Variants in VCAN observed in about 807,000 individuals in gnomAD.
VCAN encodes the protein versican core protein.
Under a neutral mutation model 245.5 loss-of-function variants are expected in VCAN, and 44 were observed. The ratio of observed to expected loss-of-function variants is 0.18; its 90% CI spans 0.14 to 0.23. The LOEUF (loss-of-function observed/expected upper bound fraction) is 0.23, where lower values mean the gene tolerates loss of function less well. Ranked by LOEUF, VCAN falls within the 10% of genes least tolerant of loss-of-function variation. The pLI is 1.00. For missense variants in VCAN, 3,793 were observed against 4,057.9 expected (o/e 0.93, Z 1.77); for synonymous variants, 1,413 against 1,437.0 (o/e 0.98, Z 0.38).
chr5:83,540,535 C>T lies in VCAN; in HGVS notation c.7532C>T (p.Ser2511Leu). The change falls in exon 8 of 15, where the codon TCA (serine) becomes TTA (leucine). Residue 2511 changes from serine to leucine, a missense_variant. This residue lies in a region of VCAN where 3,182 missense variants were observed against 3,250.3 expected (regional missense o/e 0.98). Transcript: ENST00000265077. The stretch of plus-strand genomic sequence containing the variant: ...ACTAGCACACTGTCAAATACAGTGT[C>T]ATATGAGAGGTCCACAGACGGTAGT... ...DPTSTLSNTV[S>L]YERSTDGSFQ... 1 of 1,613,894 alleles carries T rather than the reference C, an allele frequency of 6.2e-7. No homozygotes were observed. Among genetic ancestry groups the T allele is most frequent in the Non-Finnish European group, 8.5e-7 (1 of 1,179,962 alleles).
chr5:83,517,600 A>G (rs1268369358), intron 6 of VCAN, among the ~76,000 whole-genome samples: 1 of 152,194 alleles, frequency 6.6e-6, no homozygotes, highest in Non-Finnish European at 1.5e-5. Context: ...GAATTAAAAT[A>G]GTCATCCACA....
chr5:83,493,837 T>C lies in VCAN; in HGVS notation c.654T>C (p.Tyr218=), dbSNP rs776001770. The C allele has an allele frequency of 9.3e-6, 15 of 1,613,798 alleles. No homozygotes were observed. Among genetic ancestry groups the C allele is most frequent in the African/African-American group, 1.3e-5 (1 of 74,854 alleles). Reference sequence around the variant, plus strand: ...TCCGGGCTCCCAGAGTAGGCTGTTATGGAGATAAGATGGGAAAGGCAGGAG... The same window carrying C: ...TCCGGGCTCCCAGAGTAGGCTGTTACGGAGATAAGATGGGAAAGGCAGGAG... ...YPIRAPRVGC[Y]GDKMGKAGVR... is the part of the protein sequence containing the mutation. Residue 218 remains tyrosine, a synonymous_variant, in exon 5 of 15, where the codon TAT becomes TAC. Transcript: ENST00000265077.
intron 13 of VCAN, among the ~76,000 whole-genome samples, chr5:83,573,980 A>G (rs1374576474): frequency 6.6e-6 from 1 of 152,210 alleles, no homozygotes; most frequent in Non-Finnish European, 1.5e-5. Context: ...ATTGAGAACC[A>G]AGGAAGCTGA....
chr5:83,490,910 CTTAATATGATTATTAAA>C (rs2112354587), intron 3 of VCAN, among the ~76,000 whole-genome samples: 1 of 152,038 alleles, frequency 6.6e-6, no homozygotes, highest in African/African-American at 2.4e-5. Flanking sequence ...TTTTTTCTCT[CTTAATATGATTATTAAA>C]ATATTTGAGT....
chr5:83,565,676 T>A (rs1045693878), intron 12 of VCAN, among the ~76,000 whole-genome samples: 3 of 152,138 alleles, frequency 2.0e-5, no homozygotes, highest in African/African-American at 7.2e-5. Context: ...TGAAATGGGT[T>A]GAGTATTATA....
rs1746831730 is a variant in VCAN, at chr5:83,538,708, C to T, written c.5705C>T (p.Thr1902Ile). ...DRVVAENITQ[T>I]SREIVISERL... ...GTAGTTGCTGAAAATATAACCCAAA[C>T]ATCCAGGGAAATAGTGATTTCAGAG... The change falls in exon 8 of 15, where the codon ACA (threonine) becomes ATA (isoleucine). Residue 1902 changes from threonine (T) to isoleucine (I), a missense_variant. Physicochemically the swap from Thr to Ile is moderately conservative, Grantham distance 89. Transcript: ENST00000265077. 1.2e-6 allele frequency: 2 copies of T among 1,613,954 alleles called. No homozygotes were observed. The highest frequency in any genetic ancestry group is 1.7e-6 in the Non-Finnish European group (2 of 1,179,984).
At position 83,521,515 on chromosome 5, in the gene VCAN, G is replaced by T. The variant is rs1020643980; in HGVS notation, c.3209G>T (p.Gly1070Val). 1 of 1,614,038 alleles carries T rather than the reference G, an allele frequency of 6.2e-7. No individual in the cohort carries two copies. The highest frequency in any genetic ancestry group is 1.7e-5 in the Admixed American group (1 of 60,026). Reference protein sequence around the residue: ...VTPLDEQEGDGSAYTVSEDEL... With the variant: ...VTPLDEQEGDVSAYTVSEDEL... ...CCACTGGATGAACAAGAGGGCGATG[G>T]ATCAGCATATACAGTCTCTGAAGAT... Residue 1070 changes from glycine to valine, a missense_variant, in exon 7 of 15, where the codon GGA becomes GTA. Physicochemically the swap from Gly to Val is moderately radical, Grantham distance 109. Transcript: ENST00000265077.
In VCAN at chr5:83,530,460, A is replaced by G. The variant is rs1234773038; in HGVS notation, c.4004-6547A>G. ...CTCACAGGTCCAGACAGTGTTCAGA[A>G]CTTTTTTGGTGGGTGAGGGGCGTAG... On this transcript the variant is annotated intron_variant, in intron 7 of 14. Coordinates refer to ENST00000265077, the MANE Select transcript of VCAN (RefSeq NM_004385.5). Among the ~76,000 whole-genome samples the G allele has an allele frequency of 3.9e-5, 6 of 152,144 alleles. No individual in the cohort carries two copies. The East Asian group carries it at 1.2e-3, about 29-fold the overall frequency.
At chr5:83,503,068 A>G (rs1745378384) in intron 5 of VCAN, among the ~76,000 whole-genome samples, 1 of 152,204 alleles carries the variant, frequency 6.6e-6, no homozygotes, top group African/African-American at 2.4e-5. Context: ...ATCTACAAAT[A>G]TTAGCCCTTA....
Position 83,553,242 on chromosome 5 carries a change from A to G in VCAN, c.9494-122A>G, listed in dbSNP as rs544957308. The G allele has an allele frequency of 2.2e-4, 296 of 1,318,294 alleles. 2 individuals are homozygous for G. The South Asian group carries it at 3.1e-3, about 14-fold the overall frequency. The allele number at this position is 1,318,294 out of a possible 1,614,324, so 81.7% of individuals were successfully genotyped here. ...TTTGTCATCGTGACCAAATTTTATG[A>G]ATCAGTTACTTCAGGGACATTGCAC... On this transcript the variant is annotated intron_variant, in intron 10 of 14. Transcript: ENST00000265077.
intron 3 of VCAN, among the ~76,000 whole-genome samples, chr5:83,493,026 T>C (rs1043522804): frequency 2.0e-5 from 3 of 152,260 alleles, no homozygotes; most frequent in Non-Finnish European, 4.4e-5. Flanking sequence ...TTTTCCACTC[T>C]AGTACATTGT....
In VCAN at chr5:83,506,814, A is replaced by G. The variant is rs142586929; in HGVS notation, c.749-5289A>G. Among the ~76,000 whole-genome samples the G allele has an allele frequency of 1.9e-3, 296 of 152,336 alleles. 2 individuals carry two copies. The highest frequency in any genetic ancestry group is 6.9e-3 in the African/African-American group (285 of 41,572). On this transcript the variant is annotated intron_variant, in intron 5 of 14. Transcript: ENST00000265077. ...TCCACATGGTTGGGGAGGCCTCAGA[A>G]TCTTGGCGAGAGGTGAAAGGCACTT... is the stretch of plus-strand genomic sequence containing the variant.
intron 13 of VCAN, among the ~76,000 whole-genome samples, chr5:83,576,271 AATT>A (rs1165397974): frequency 2.0e-5 from 3 of 152,038 alleles, no homozygotes; most frequent in Non-Finnish European, 2.9e-5. Context: ...CTAAACAATA[AATT>A]ATTTAGTGTT....
intron 5 of VCAN, among the ~76,000 whole-genome samples, chr5:83,498,106 C>CTACT (rs1355068931): frequency 2.0e-5 from 3 of 152,148 alleles, no homozygotes; most frequent in Non-Finnish European, 2.9e-5. Context: ...CCTGGGTTAA[C>CTACT]TACTACCCTA....
intron 1 of VCAN, among the ~76,000 whole-genome samples, chr5:83,472,394 TG>T (rs1176883456): frequency 2.0e-5 from 3 of 151,974 alleles, no homozygotes; most frequent in South Asian, 4.2e-4. Context: ...TTGATTTTTT[TG>T]TTGTTGTTGT....
At chr5:83,487,067 A>G (rs1197878466) in intron 2 of VCAN, among the ~76,000 whole-genome samples, 3 of 152,194 alleles carry the variant, frequency 2.0e-5, no homozygotes, top group Non-Finnish European at 4.4e-5. Context: ...ACATTATATT[A>G]TCTTACAAAC....
intron 13 of VCAN, 34 bp from the exon 14 acceptor site, chr5:83,579,946 T>A: frequency 1.2e-6 from 2 of 1,608,300 alleles, no homozygotes; most frequent in Non-Finnish European, 1.7e-6. Context: ...AATACTTAGA[T>A]TATTTGGAAA....
chr5:83,572,421 C>T lies in VCAN; in HGVS notation c.9741C>T (p.Tyr3247=), dbSNP rs374136117. The change falls in exon 13 of 15, where the codon TAC becomes TAT. Residue 3247 remains tyrosine (Y), a synonymous_variant. Coordinates refer to ENST00000265077, the MANE Select transcript of VCAN (RefSeq NM_004385.5). ...TTCTCCCTCCATTTTTACAGCAATACGAGAATTGGAGACCCAACCAGCCAG... is the reference window on the plus strand; with the variant it reads ...TTCTCCCTCCATTTTTACAGCAATATGAGAATTGGAGACCCAACCAGCCAG... ...FRWTDGSTLQ[Y]ENWRPNQPDS... The T allele has an allele frequency of 1.3e-4, 202 of 1,613,728 alleles. No homozygotes were observed. The highest frequency in any genetic ancestry group is 1.5e-4 in the Non-Finnish European group (182 of 1,179,788).
rs755325423 is a variant in VCAN, at chr5:83,537,046, A to G, written c.4043A>G (p.Asp1348Gly). The G allele has an allele frequency of 1.9e-6, 3 of 1,610,492 alleles. No homozygotes were observed. Among genetic ancestry groups the G allele is most frequent in the South Asian group, 2.2e-5 (2 of 90,250 alleles). ...TTGAGTGTAATTGGTCATCCAATAGATTCAGAATCTAAAGAAGATGAACCT... is the reference window on the plus strand; with the variant it reads ...TTGAGTGTAATTGGTCATCCAATAGGTTCAGAATCTAAAGAAGATGAACCT... ...SDLSVIGHPIDSESKEDEPCS... is the reference protein window; with the variant it reads ...SDLSVIGHPIGSESKEDEPCS... The change falls in exon 8 of 15, where the codon GAT (aspartate) becomes GGT (glycine). Residue 1348 changes from aspartate to glycine, a missense_variant. Physicochemically the swap from Asp to Gly is moderately conservative, Grantham distance 94 (BLOSUM62 -1). This residue lies in a region of VCAN where 3,182 missense variants were observed against 3,250.3 expected (regional missense o/e 0.98). Transcript: ENST00000265077.
Sources: allele counts gnomAD v4.1 joint callset (sites outside exome capture counted in the v4.1 genomes callset), GRCh38; gene constraint gnomAD v4.1.1; regional missense constraint gnomAD v4.1.1; transcripts MANE v1.5; gene names NCBI Gene and HGNC (gene_info 2026-07-23, HGNC 2026-07-21).